Variants in MARCHF1 observed in about 807,000 individuals in gnomAD.
The protein encoded by MARCHF1 is E3 ubiquitin-protein ligase MARCHF1.
A neutral mutation model predicts 54.2 loss-of-function variants in MARCHF1; 40 were observed. That is an observed-to-expected ratio of 0.74 (90% CI 0.57 to 0.96). The LOEUF (loss-of-function observed/expected upper bound fraction) is 0.96. Among genes scored for constraint, MARCHF1 ranks in the 40% least tolerant of loss-of-function variants. The pLI is 0.00. For synonymous variants in MARCHF1, 236 were observed against 236.3 expected (o/e 1.00, Z 0.01); for missense variants, 586 against 656.5 (o/e 0.89, Z 1.17).
chr4:163,804,477 A>G (rs1431374657), intron 4 of MARCHF1, among the ~76,000 whole-genome samples: 1 of 152,188 alleles, frequency 6.6e-6, no homozygotes, highest in African/African-American at 2.4e-5. Context: ...GATGCACACA[A>G]AAGTTTGTAA....
At chr4:164,172,800 AC>A (rs1343579166) in intron 1 of MARCHF1, among the ~76,000 whole-genome samples, 1 of 152,020 alleles carries the variant, frequency 6.6e-6, no homozygotes, top group African/African-American at 2.4e-5. Flanking sequence ...ACACGGTGAA[AC>A]CCCGTCTGTA....
chr4:163,735,035 A>T (rs967404921), intron 4 of MARCHF1, among the ~76,000 whole-genome samples: 2 of 152,162 alleles, frequency 1.3e-5, no homozygotes, highest in African/African-American at 4.8e-5. Context: ...GACACCGAAC[A>T]TAAGCATGTT....
rs201820317 is a variant in MARCHF1, at chr4:164,258,391, TATAATAATA to T, written c.-323+125470_-323+125478del. 4.8e-5 allele frequency among the ~76,000 whole-genome samples: 7 copies of T among 145,964 alleles called. No individual in the cohort carries two copies. The South Asian group carries it at 1.3e-3, about 27-fold the overall frequency. On this transcript the variant is annotated intron_variant, in intron 1 of 9. Coordinates refer to ENST00000514618, the MANE Select transcript of MARCHF1 (RefSeq NM_001394959.1). ...TGCACATATATCCCAGAACTTAAAG[TATAATAATA>T]ATAATAATAATAATAATAAAGGACA...
chr4:163,861,522 T>C (rs1458767938), intron 3 of MARCHF1, among the ~76,000 whole-genome samples: 1 of 152,098 alleles, frequency 6.6e-6, no homozygotes, highest in Non-Finnish European at 1.5e-5. Context: ...GGTATAAATA[T>C]AACAATTTTA....
chr4:164,197,107 C>T (rs1482519577), intron 1 of MARCHF1: 1 of 1,606,552 alleles, frequency 6.2e-7, no homozygotes, highest in East Asian at 2.2e-5. Flanking sequence ...CTCCTCGTCC[C>T]CTCCACTCAC....
chr4:163,934,520 T>C (rs1303377365), intron 3 of MARCHF1, among the ~76,000 whole-genome samples: 2 of 132,302 alleles, frequency 1.5e-5, no homozygotes, highest in Non-Finnish European at 3.1e-5. Flanking sequence ...GATCATGCCA[T>C]GGCACTCCAG....
rs187457596 is a variant in MARCHF1, at chr4:164,328,873, T to C, written c.-323+54997A>G. Among the ~76,000 whole-genome samples, 132 of 152,206 alleles carry C rather than the reference T, an allele frequency of 8.7e-4. 1 individual carries two copies. Among genetic ancestry groups the C allele is most frequent in the Admixed American group, 4.3e-3 (65 of 15,272 alleles). On this transcript the variant is annotated intron_variant, in intron 1 of 9. Transcript: ENST00000514618. ...CAAATTAAATGTGGCTTTATATATTTCACAGGATAAAATGGGTGGAGGCAT... is the reference window on the plus strand; with the variant it reads ...CAAATTAAATGTGGCTTTATATATTCCACAGGATAAAATGGGTGGAGGCAT...
chr4:163,530,804 CTTCT>C (rs1738319705), intron 9 of MARCHF1: 4 of 151,944 alleles, frequency 2.6e-5, no homozygotes, highest in African/African-American at 7.2e-5. Context: ...TACGCAAGGA[CTTCT>C]TTATGACTTG....
chr4:164,350,680 C>A (rs1162088962), intron 1 of MARCHF1, among the ~76,000 whole-genome samples: 1 of 152,184 alleles, frequency 6.6e-6, no homozygotes, highest in South Asian at 2.1e-4. Context: ...CCAATCTAGC[C>A]TCATATACCA....
chr4:164,151,782 GC>G (rs953673516), intron 1 of MARCHF1, among the ~76,000 whole-genome samples: 2 of 151,620 alleles, frequency 1.3e-5, no homozygotes, highest in African/African-American at 4.8e-5. Flanking sequence ...CTCAGCCCAC[GC>G]CCCCCCCAAA....
chr4:163,917,909 A>G (rs909884666), intron 3 of MARCHF1, among the ~76,000 whole-genome samples: 1 of 152,120 alleles, frequency 6.6e-6, no homozygotes, highest in Non-Finnish European at 1.5e-5. Flanking sequence ...TGGTTTAATT[A>G]GATCAATTTT....
intron 7 of MARCHF1, among the ~76,000 whole-genome samples, chr4:163,598,803 A>G (rs61503572): frequency 0.02 from 2,989 of 152,282 alleles, 89 homozygotes; most frequent in African/African-American, 0.066. Context: ...GATACACTCA[A>G]TTTATAAAAA....
At chr4:163,864,120 A>G (rs1160378848) in intron 3 of MARCHF1, among the ~76,000 whole-genome samples, 1 of 152,058 alleles carries the variant, frequency 6.6e-6, no homozygotes, top group Admixed American at 6.6e-5. Context: ...ATAACCTCCC[A>G]CACCATTGTG....
intron 4 of MARCHF1, among the ~76,000 whole-genome samples, chr4:163,746,079 A>T (rs1424300690): frequency 1.3e-5 from 2 of 152,186 alleles, no homozygotes; most frequent in African/African-American, 4.8e-5. Context: ...ATGGGTTTGG[A>T]CAAATGTATA....
intron 2 of MARCHF1, among the ~76,000 whole-genome samples, chr4:164,004,026 AACACAGG>A (rs1753236671): frequency 6.6e-6 from 1 of 152,118 alleles, no homozygotes; most frequent in Non-Finnish European, 1.5e-5. Flanking sequence ...TCAGCAAACT[AACACAGG>A]AACAGAAAAC....
chr4:164,333,287 T>C (rs1729619752), intron 1 of MARCHF1, among the ~76,000 whole-genome samples: 1 of 152,210 alleles, frequency 6.6e-6, no homozygotes, highest in African/African-American at 2.4e-5. Context: ...GTAACTCATT[T>C]TATTATACTT....
Position 164,192,258 on chromosome 4 carries a change from A to G in MARCHF1, c.-322-80596T>C, listed in dbSNP as rs59125380. Among the ~76,000 whole-genome samples the G allele has an allele frequency of 5.6e-3, 860 of 152,300 alleles. 10 individuals carry two copies. Among genetic ancestry groups the G allele is most frequent in the African/African-American group, 0.02 (833 of 41,568 alleles). On this transcript the variant is annotated intron_variant, in intron 1 of 9. Coordinates refer to ENST00000514618, the MANE Select transcript of MARCHF1 (RefSeq NM_001394959.1). ...CTGTAACCAGGAATTTGTTGATTAT[A>G]TTTTAAAACAATATTCTTTTAAATT...
chr4:163,644,210 C>T (rs960593811), intron 5 of MARCHF1, among the ~76,000 whole-genome samples: 3 of 152,164 alleles, frequency 2.0e-5, no homozygotes, highest in Non-Finnish European at 4.4e-5. Context: ...AGGTCCACCA[C>T]TCATTTTCCC....
At chr4:164,100,937 T>C (rs575131006) in intron 2 of MARCHF1, among the ~76,000 whole-genome samples, 35 of 152,312 alleles carry the variant, frequency 2.3e-4, no homozygotes, top group African/African-American at 5.5e-4. Flanking sequence ...GGGCGAGGCA[T>C]TGCCTCACTT....
Sources: allele counts gnomAD v4.1 joint callset (sites outside exome capture counted in the v4.1 genomes callset), GRCh38; gene constraint gnomAD v4.1.1; transcripts MANE v1.5; gene names NCBI Gene and HGNC (gene_info 2026-07-23, HGNC 2026-07-21).